The following CBFA2T3 variants were observed in gnomAD, a reference collection of about 807,000 sequenced individuals.
CBFA2T3 encodes the protein transcriptional corepressor CBFA2T3.
A neutral mutation model predicts 58.6 loss-of-function variants in CBFA2T3; 31 were observed. The observed-to-expected ratio is 0.53, with a 90% CI of 0.40 to 0.71. The LOEUF is 0.71. Ranked by LOEUF, CBFA2T3 falls within the 30% of genes least tolerant of loss-of-function variation. The probability of loss-of-function intolerance (pLI) is 0.00; values close to 1 mark genes in which losing one functional copy is unlikely to be tolerated. For missense variants in CBFA2T3, 1,076 were observed against 963.1 expected (o/e 1.12, Z -1.55); for synonymous variants, 531 against 421.9 (o/e 1.26, Z -3.17).
In CBFA2T3 at chr16:88,906,781, C is replaced by G. The variant is rs145619122; in HGVS notation, c.152-5125G>C. 2.7e-3 allele frequency among the ~76,000 whole-genome samples: 416 copies of G among 152,298 alleles called. 1 individual carries two copies. Among genetic ancestry groups the G allele is most frequent in the African/African-American group, 9.2e-3 (381 of 41,560 alleles). ...AGGGTGAGTGACTTGTTCTGGGTCT[C>G]AGAGCCCAGAAGCACCAGGGCATGT... On this transcript the variant is annotated intron_variant, in intron 1 of 11. Coordinates refer to ENST00000268679, the MANE Select transcript of CBFA2T3 (RefSeq NM_005187.6).
chr16:88,933,853 T>C (rs956212068), intron 1 of CBFA2T3, among the ~76,000 whole-genome samples: 4 of 152,086 alleles, frequency 2.6e-5, no homozygotes, highest in African/African-American at 9.7e-5. Flanking sequence ...CCCTCTGCTC[T>C]GTGCAGTACA....
chr16:88,963,635 G>A (rs972328020), intron 1 of CBFA2T3, among the ~76,000 whole-genome samples: 1 of 152,164 alleles, frequency 6.6e-6, no homozygotes. Context: ...GACCGTATGC[G>A]GCCTCTTGGC....
intron 1 of CBFA2T3, among the ~76,000 whole-genome samples, chr16:88,924,869 C>T (rs923466145): frequency 9.9e-5 from 15 of 152,208 alleles, no homozygotes; most frequent in African/African-American, 3.6e-4. Flanking sequence ...GAGGCCGCTG[C>T]CACCGCCTCC....
intron 1 of CBFA2T3, among the ~76,000 whole-genome samples, chr16:88,960,788 G>T (rs1199886552): frequency 6.6e-6 from 1 of 152,198 alleles, no homozygotes; most frequent in Non-Finnish European, 1.5e-5. Flanking sequence ...TTACACCCCC[G>T]TTAGGTTTTC....
At position 88,953,346 on chromosome 16, in the gene CBFA2T3, T is replaced by C. The variant is rs1006796087; in HGVS notation, c.151+23311A>G. On this transcript the variant is annotated intron_variant, in intron 1 of 11. Coordinates refer to ENST00000268679, the MANE Select transcript of CBFA2T3 (RefSeq NM_005187.6). This position sits in a 1 kb window ranked among gnomAD's most constrained non-coding sequence, Gnocchi z 4.9. ...GTTCACGGAAGAACGAAGGAAGGAG[T>C]GAGCGTGGGGAGAGCCAGCCAGGCT... Among the ~76,000 whole-genome samples, 1 of 151,698 alleles carries C rather than the reference T, an allele frequency of 6.6e-6. No individual in the cohort carries two copies. The highest frequency in any genetic ancestry group is 6.6e-5 in the Admixed American group (1 of 15,258).
intron 1 of CBFA2T3, among the ~76,000 whole-genome samples, chr16:88,913,668 A>G (rs1970598847): frequency 6.6e-6 from 1 of 152,202 alleles, no homozygotes; most frequent in Non-Finnish European, 1.5e-5. Flanking sequence ...GGGACCAGCA[A>G]TTCCACCTTC....
intron 10 of CBFA2T3, 55 bp downstream of exon 10, chr16:88,880,665 C>G (rs1333180575): frequency 6.9e-7 from 1 of 1,451,550 alleles, no homozygotes; most frequent in Non-Finnish European, 9.5e-7. Flanking sequence ...AGAGGCGCAT[C>G]TGGGGCCCTG....
At chr16:88,934,732 C>A (rs1246764748) in intron 1 of CBFA2T3, among the ~76,000 whole-genome samples, 1 of 152,226 alleles carries the variant, frequency 6.6e-6, no homozygotes, top group Non-Finnish European at 1.5e-5. Context: ...CCCCGAAGTT[C>A]AGAAGGACGC....
At chr16:88,900,167 G>A (rs999095822) in intron 2 of CBFA2T3, among the ~76,000 whole-genome samples, 4 of 152,366 alleles carry the variant, frequency 2.6e-5, no homozygotes, top group South Asian at 2.1e-4. Context: ...CCGGCCCCGC[G>A]GGTGCAGGGA....
intron 1 of CBFA2T3, among the ~76,000 whole-genome samples, chr16:88,971,212 C>A (rs1203559694): frequency 1.3e-5 from 2 of 152,128 alleles, no homozygotes; most frequent in East Asian, 3.8e-4. Context: ...TGGGTTCACA[C>A]GATTCTCCCG....
intron 3 of CBFA2T3, among the ~76,000 whole-genome samples, chr16:88,893,563 C>T (rs941365483): frequency 1.3e-5 from 2 of 152,206 alleles, no homozygotes; most frequent in Admixed American, 1.3e-4. Flanking sequence ...TGGGTTCCTG[C>T]CCCTGGCGGC....
intron 1 of CBFA2T3, among the ~76,000 whole-genome samples, chr16:88,961,866 C>T (rs1482903265): frequency 1.4e-5 from 2 of 145,340 alleles, no homozygotes; most frequent in African/African-American, 2.6e-5. Context: ...GCATAGTAAC[C>T]GACAGTCAGC....
intron 1 of CBFA2T3, among the ~76,000 whole-genome samples, chr16:88,944,374 C>G (rs983257523): frequency 6.3e-4 from 95 of 151,992 alleles, no homozygotes; most frequent in African/African-American, 2.2e-3. Context: ...ACCACCTCCC[C>G]TCCTCATGGC....
chr16:88,975,366 C>T (rs1188987704), intron 1 of CBFA2T3, among the ~76,000 whole-genome samples: 2 of 152,236 alleles, frequency 1.3e-5, no homozygotes, highest in Admixed American at 6.5e-5. Flanking sequence ...CAGTAGACGC[C>T]CCCATCCTAA....
At chr16:88,943,897 G>C (rs1443931317) in intron 1 of CBFA2T3, among the ~76,000 whole-genome samples, 2 of 152,206 alleles carry the variant, frequency 1.3e-5, no homozygotes, top group Non-Finnish European at 2.9e-5. Flanking sequence ...ACCTGTGCGG[G>C]AGACAGACCA....
intron 1 of CBFA2T3, among the ~76,000 whole-genome samples, chr16:88,945,389 G>T (rs1319299825): frequency 6.6e-6 from 1 of 152,224 alleles, no homozygotes; most frequent in African/African-American, 2.4e-5. Context: ...GCCATAGACT[G>T]GGAGAAAATA....
rs1362002456 is a variant in CBFA2T3 at position 88,900,214 on chromosome 16, G to A, written c.304+1290C>T. Among the ~76,000 whole-genome samples, 4 of 152,242 alleles carry A rather than the reference G, an allele frequency of 2.6e-5. No individual in the cohort carries two copies. The East Asian group carries it at 7.7e-4, about 29-fold the overall frequency. On this transcript the variant is annotated intron_variant, in intron 2 of 11. Coordinates refer to ENST00000268679, the MANE Select transcript of CBFA2T3 (RefSeq NM_005187.6). ...GCTGTTTGGCTCCTACTGAGTGCCGGGCACATTTCCAGCTGTACCTGCCTC... is the reference window on the plus strand; with the variant it reads ...GCTGTTTGGCTCCTACTGAGTGCCGAGCACATTTCCAGCTGTACCTGCCTC...
At chr16:88,919,187 C>A (rs1253309128) in intron 1 of CBFA2T3, among the ~76,000 whole-genome samples, 1 of 151,760 alleles carries the variant, frequency 6.6e-6, no homozygotes, top group Admixed American at 6.5e-5. Context: ...TCTGCCTTTG[C>A]CTCTTTTAAA....
chr16:88,953,959 C>T lies in CBFA2T3; in HGVS notation c.151+22698G>A, dbSNP rs549213834. ...CCTGCCCTGGGCAAATGAGGGCAGG[C>T]GGCCTCTAACAGCTGACACCATGTC... On this transcript the variant is annotated intron_variant, in intron 1 of 11. Coordinates refer to ENST00000268679, the MANE Select transcript of CBFA2T3 (RefSeq NM_005187.6). The surrounding 1 kb of genome is among the most constrained non-coding windows in gnomAD (Gnocchi z 4.9). Among the ~76,000 whole-genome samples, 33 of 152,198 alleles carry T rather than the reference C, an allele frequency of 2.2e-4. 1 individual carries two copies. In the South Asian group the frequency reaches 3.9e-3, roughly 18 times the overall value.
Sources: gnomAD v4.1 joint callset for allele counts (sites outside exome capture counted in the v4.1 genomes callset) on GRCh38, gnomAD v4.1.1 for gene constraint, Gnocchi (gnomAD v3.1) non-coding constraint, MANE v1.5 for transcripts, NCBI Gene and HGNC (gene_info 2026-07-23, HGNC 2026-07-21) for gene names.